PTBP3: variants seen among roughly 807,000 people sequenced by gnomAD.
The protein encoded by PTBP3 is polypyrimidine tract binding protein 3, also known as polypyrimidine tract-binding protein 3.
PTBP3 carries 20 observed loss-of-function variants against 58.7 expected under a neutral mutation model. The observed-to-expected ratio is 0.34, with a 90% CI of 0.24 to 0.50. The LOEUF is 0.50. Among genes scored for constraint, PTBP3 ranks in the 20% least tolerant of loss-of-function variants. PTBP3 has a pLI of 0.98. For missense variants in PTBP3, 509 were observed against 637.2 expected, an observed-to-expected ratio of 0.80 and a Z score of 2.17; for synonymous variants, 185 against 219.8, an observed-to-expected ratio of 0.84 and a Z score of 1.40.
intron 2 of PTBP3, among the ~76,000 whole-genome samples, chr9:112,286,338 A>AT (rs1016991907): frequency 1.9e-4 from 29 of 151,226 alleles, no homozygotes; most frequent in Admixed American, 1.1e-3. Context: ...CCATCTTGTC[A>AT]TTTTTTTTCT....
the PTBP3 span, chr9:112,362,863 G>A: frequency 3.0e-6 from 1 of 336,668 alleles, no homozygotes; most frequent in Non-Finnish European, 5.7e-6. Flanking sequence ...TCAAGGGCCA[G>A]ATCTTGATGC....
intron 1 of PTBP3, among the ~76,000 whole-genome samples, chr9:112,310,938 G>A (rs914728957): frequency 6.6e-6 from 1 of 152,232 alleles, no homozygotes; most frequent in South Asian, 2.1e-4. Context: ...AAGGGGAGAA[G>A]TAAAGAGATT....
chr9:112,258,300 C>G (rs1207175887), intron 5 of PTBP3, among the ~76,000 whole-genome samples: 1 of 152,096 alleles, frequency 6.6e-6, no homozygotes, highest in East Asian at 1.9e-4. Context: ...CAGGACTGAG[C>G]ATTTACATAA....
At chr9:112,253,169 T>C (rs1012049267) in intron 5 of PTBP3, among the ~76,000 whole-genome samples, 2 of 152,210 alleles carry the variant, frequency 1.3e-5, no homozygotes, top group Non-Finnish European at 2.9e-5. Flanking sequence ...CACTAGAAGA[T>C]GTTCAACTAG....
At chr9:112,248,772 C>G (rs1306107411) in intron 7 of PTBP3, among the ~76,000 whole-genome samples, 2 of 152,132 alleles carry the variant, frequency 1.3e-5, no homozygotes, top group African/African-American at 4.8e-5. Context: ...CCAACAATTC[C>G]TTTCCTATGT....
rs1362520884 is a variant in PTBP3, at chr9:112,221,926, A to AG, written c.*1924dup. ...TTTCTTAATTTTTACTTTTAAGAGA[A>AG]GGGGTCACACTATGTTCCAGGGCTG... On this transcript the variant is annotated 3_prime_UTR_variant, in exon 14 of 14. Transcript: ENST00000374257. The AG allele has an allele frequency of 1.0e-6, 1 of 960,774 alleles. No individual in the cohort carries two copies. Among genetic ancestry groups the AG allele is most frequent in the Non-Finnish European group, 1.2e-6 (1 of 807,486 alleles). The allele number at this position is 960,774 out of a possible 1,614,324, so 59.5% of individuals were successfully genotyped here.
the PTBP3 span, among the ~76,000 whole-genome samples, chr9:112,374,076 G>A: frequency 1.3e-5 from 2 of 152,052 alleles, no homozygotes; most frequent in East Asian, 3.9e-4. Flanking sequence ...GTTTCCCATC[G>A]ACCTTAACCA....
At chr9:112,378,385 T>C in the PTBP3 span, among the ~76,000 whole-genome samples, 1 of 152,264 alleles carries the variant, frequency 6.6e-6, no homozygotes, top group African/African-American at 2.4e-5. Flanking sequence ...AAAGGTTTTT[T>C]GTTTGCTTTG....
At chr9:112,265,400 G>A (rs574055335) in intron 4 of PTBP3, among the ~76,000 whole-genome samples, 2 of 137,742 alleles carry the variant, frequency 1.5e-5, no homozygotes, top group East Asian at 2.4e-4. Flanking sequence ...CTACTCGTGA[G>A]GCTAAGACAG....
the PTBP3 span, among the ~76,000 whole-genome samples, chr9:112,367,028 C>G: frequency 6.6e-6 from 1 of 152,176 alleles, no homozygotes; most frequent in African/African-American, 2.4e-5. Flanking sequence ...GCCCTGCTTT[C>G]TTTGTGGTTA....
intron 4 of PTBP3, among the ~76,000 whole-genome samples, chr9:112,266,134 T>C (rs527773892): frequency 6.6e-6 from 1 of 152,220 alleles, no homozygotes; most frequent in Admixed American, 6.5e-5. Context: ...GTATAATGGA[T>C]AGAGTGTTTC....
the PTBP3 span, among the ~76,000 whole-genome samples, chr9:112,353,553 CT>C: frequency 1.3e-5 from 2 of 151,968 alleles, no homozygotes; most frequent in East Asian, 3.9e-4. Flanking sequence ...GCCTCTTTTC[CT>C]TTTTTTCCCC....
chr9:112,359,501 G>A, the PTBP3 span, among the ~76,000 whole-genome samples: 2 of 150,186 alleles, frequency 1.3e-5, no homozygotes, highest in Non-Finnish European at 3.0e-5. Flanking sequence ...AATATACTAG[G>A]TAAGCCAAAG....
At chr9:112,341,756 G>A in the PTBP3 span, among the ~76,000 whole-genome samples, 1 of 152,182 alleles carries the variant, frequency 6.6e-6, no homozygotes, top group African/African-American at 2.4e-5. Context: ...ACTCCAATAA[G>A]TAGATAGCCA....
chr9:112,278,535 T>A (rs1373585787), intron 2 of PTBP3, among the ~76,000 whole-genome samples: 1 of 152,158 alleles, frequency 6.6e-6, no homozygotes, highest in African/African-American at 2.4e-5. Flanking sequence ...TTAACAGAGG[T>A]ATTCTATGTT....
rs141852913 is a variant in PTBP3 at position 112,323,086 on chromosome 9, A to G, written c.-52+10384T>C. Among the ~76,000 whole-genome samples the G allele has an allele frequency of 1.5e-3, 227 of 152,326 alleles. 1 individual carries two copies. The highest frequency in any genetic ancestry group is 5.2e-3 in the African/African-American group (218 of 41,580). On this transcript the variant is annotated intron_variant, in intron 1 of 13. Transcript: ENST00000374257. ...AACATAGAGAAACCCAGTCTCCACA[A>G]AAAAAATTGTTTAAAATTAGCCGGG...
intron 9 of PTBP3, 43 bp downstream of exon 9, chr9:112,232,056 C>T (rs754158056): frequency 2.3e-6 from 3 of 1,308,692 alleles, no homozygotes; most frequent in Non-Finnish European, 2.1e-6. Flanking sequence ...GCTACTATAC[C>T]TTCTCCTGAA....
chr9:112,267,229 G>A (rs1326973268), intron 4 of PTBP3, among the ~76,000 whole-genome samples: 1 of 149,940 alleles, frequency 6.7e-6, no homozygotes, highest in African/African-American at 2.5e-5. Context: ...GCAGTGGCAC[G>A]GTCTCGGCTC....
At chr9:112,341,983 G>A in the PTBP3 span, among the ~76,000 whole-genome samples, 1 of 152,166 alleles carries the variant, frequency 6.6e-6, no homozygotes, top group Non-Finnish European at 1.5e-5. Flanking sequence ...GTTTCTGGAA[G>A]AGATTGGCAT....
Sources: allele counts gnomAD v4.1 joint callset (sites outside exome capture counted in the v4.1 genomes callset), GRCh38; gene constraint gnomAD v4.1.1; transcripts MANE v1.5; gene names NCBI Gene and HGNC (gene_info 2026-07-23, HGNC 2026-07-21).